PIK3CB: variants seen among roughly 807,000 people sequenced by gnomAD.
PIK3CB encodes phosphatidylinositol 4,5-bisphosphate 3-kinase catalytic subunit beta isoform.
A neutral mutation model predicts 136.8 loss-of-function variants in PIK3CB; 39 were observed. That is an observed-to-expected ratio of 0.29 (90% confidence interval 0.22 to 0.37). The LOEUF (loss-of-function observed/expected upper bound fraction) is 0.37. Ranked by LOEUF, PIK3CB falls within the 10% of genes least tolerant of loss-of-function variation. PIK3CB has a pLI of 1.00. For synonymous variants in PIK3CB, 428 were observed against 436.6 expected (o/e 0.98, Z 0.25); for missense variants, 868 against 1,275.4 (o/e 0.68, Z 4.87).
In PIK3CB at chr3:138,749,799, T is replaced by C. The variant is rs146777495; in HGVS notation, c.397+5955A>G. 3.2e-3 allele frequency among the ~76,000 whole-genome samples: 485 copies of C among 152,360 alleles called. 1 individual carries two copies. Among genetic ancestry groups the C allele is most frequent in the Non-Finnish European group, 4.8e-3 (327 of 68,040 alleles). ...ATTCACCTAATTGATTTAAGGTGAC[T>C]TTCCTTTTCAAAAGTTTTGTTTTTC... On this transcript the variant is annotated intron_variant, in intron 4 of 23. Coordinates refer to ENST00000674063, the MANE Select transcript of PIK3CB (RefSeq NM_006219.3).
chr3:138,681,007 T>G (rs1173526444), intron 19 of PIK3CB, among the ~76,000 whole-genome samples: 1 of 151,536 alleles, frequency 6.6e-6, no homozygotes, highest in Non-Finnish European at 1.5e-5. Flanking sequence ...TTATAATCTG[T>G]ACTTCTTAAT....
chr3:138,742,291 C>A (rs939761709), intron 5 of PIK3CB, among the ~76,000 whole-genome samples: 9 of 152,008 alleles, frequency 5.9e-5, no homozygotes, highest in Non-Finnish European at 1.3e-4. Context: ...TTTTAACATC[C>A]CTTTAAAACT....
At chr3:138,712,968 T>G (rs1007874886) in intron 9 of PIK3CB, among the ~76,000 whole-genome samples, 9 of 152,148 alleles carry the variant, frequency 5.9e-5, no homozygotes, top group Admixed American at 3.9e-4. Flanking sequence ...AAGGAGATAA[T>G]GTCTCTAGGC....
chr3:138,767,817 G>A (rs1027279347), intron 2 of PIK3CB, among the ~76,000 whole-genome samples: 9 of 152,188 alleles, frequency 5.9e-5, no homozygotes, highest in Admixed American at 2.0e-4. Context: ...CGGAAGCTTG[G>A]AGATGTCAGG....
At chr3:138,712,652 C>T (rs2044527470) in intron 9 of PIK3CB, among the ~76,000 whole-genome samples, 1 of 149,744 alleles carries the variant, frequency 6.7e-6, no homozygotes, top group African/African-American at 2.5e-5. Context: ...CTGCAACCTC[C>T]ACCTCCCAGG....
intron 15 of PIK3CB, among the ~76,000 whole-genome samples, chr3:138,690,739 A>C (rs982823991): frequency 1.5e-4 from 23 of 151,346 alleles, no homozygotes; most frequent in African/African-American, 5.1e-4. Context: ...AAAAAAAAAG[A>C]AAGGAAGGAA....
chr3:138,783,592 T>C (rs2045944025), intron 2 of PIK3CB, among the ~76,000 whole-genome samples: 1 of 152,086 alleles, frequency 6.6e-6, no homozygotes, highest in Non-Finnish European at 1.5e-5. Context: ...GAGGGTGATA[T>C]TTTAACAGAG....
chr3:138,687,421 A>G (rs1440849946), intron 16 of PIK3CB, among the ~76,000 whole-genome samples: 1 of 152,222 alleles, frequency 6.6e-6, no homozygotes, highest in African/African-American at 2.4e-5. Context: ...TCATAGTGCA[A>G]TGAAAAATTA....
chr3:138,652,878 G>A lies in PIK3CB; in HGVS notation c.*2511C>T, dbSNP rs1022059425. ...TGTACCCCATATATATATCTACTAT[G>A]TACTCACAAAAATTAAAAATTAAGA... On this transcript the variant is annotated 3_prime_UTR_variant, in exon 24 of 24. Transcript: ENST00000674063. The A allele has an allele frequency of 5.1e-5, 11 of 214,842 alleles. No individual in the cohort carries two copies. Among genetic ancestry groups the A allele is most frequent in the African/African-American group, 2.2e-4 (10 of 44,458 alleles). The allele number at this position is 214,842 out of a possible 1,614,324, so 13.3% of individuals were successfully genotyped here.
At chr3:138,683,562 A>G in intron 18 of PIK3CB, 116 bp downstream of exon 18, 1 of 650,184 alleles carries the variant, frequency 1.5e-6, no homozygotes, top group Non-Finnish European at 2.7e-6. Context: ...ATTAATAGCT[A>G]CCTTCCTGGC....
intron 1 of PIK3CB, chr3:138,826,086 C>T (rs1189520346): frequency 3.5e-5 from 38 of 1,073,194 alleles, no homozygotes; most frequent in Non-Finnish European, 5.1e-5. Context: ...GATTGATCAC[C>T]ATTCTAGTAA....
intron 2 of PIK3CB, among the ~76,000 whole-genome samples, chr3:138,780,015 T>A (rs1388601710): frequency 6.6e-6 from 1 of 152,090 alleles, no homozygotes. Context: ...TGGAGTGCAG[T>A]GGCGAGACCT....
intron 19 of PIK3CB, among the ~76,000 whole-genome samples, chr3:138,679,274 A>G (rs1014662169): frequency 1.3e-5 from 2 of 152,166 alleles, no homozygotes; most frequent in African/African-American, 4.8e-5. Flanking sequence ...AAAATTAGAA[A>G]TCATAAAGAG....
chr3:138,808,620 G>A (rs980097395), intron 1 of PIK3CB, among the ~76,000 whole-genome samples: 1 of 151,678 alleles, frequency 6.6e-6, no homozygotes, highest in African/African-American at 2.4e-5. Context: ...GGAGGCAGAG[G>A]TAACAGTAAG....
chr3:138,779,158 A>T (rs1221693705), intron 2 of PIK3CB, among the ~76,000 whole-genome samples: 2 of 148,132 alleles, frequency 1.4e-5, no homozygotes, highest in African/African-American at 2.5e-5. Context: ...TGATCTCGGC[A>T]TACTGCAAGC....
chr3:138,823,997 CT>C (rs1933672885), intron 1 of PIK3CB, among the ~76,000 whole-genome samples: 1 of 151,512 alleles, frequency 6.6e-6, no homozygotes, highest in African/African-American at 2.5e-5. Context: ...AAATCATCTG[CT>C]GGTTATCTAA....
intron 14 of PIK3CB, among the ~76,000 whole-genome samples, 196 bp from the exon 15 acceptor site, chr3:138,691,339 G>A (rs2044003797): frequency 6.6e-6 from 1 of 152,190 alleles, no homozygotes; most frequent in South Asian, 2.1e-4. Flanking sequence ...GGAAAAGGGA[G>A]TCAAGAGGGT....
intron 1 of PIK3CB, chr3:138,825,646 A>T (rs1281511937): frequency 1.9e-5 from 12 of 639,508 alleles, no homozygotes; most frequent in Non-Finnish European, 3.4e-5. Flanking sequence ...TCTGGACTGC[A>T]TCCTACCACT....
Position 138,654,578 on chromosome 3 carries a change from TA to T in PIK3CB, c.*810del, listed in dbSNP as rs1266857778. The T allele has an allele frequency of 4.4e-6, 1 of 227,386 alleles. No homozygotes were observed. Among genetic ancestry groups the T allele is most frequent in the Non-Finnish European group, 8.7e-6 (1 of 114,476 alleles). 14.1% of individuals were successfully genotyped at this position (227,386 alleles called of 1,614,324 possible). A position where few individuals can be genotyped will look rare whatever the true frequency, so the allele number is the denominator to read the frequency against. On this transcript the variant is annotated 3_prime_UTR_variant, in exon 24 of 24. Transcript: ENST00000674063. The stretch of plus-strand genomic sequence containing the variant: ...CATAGATACCATATAAAAACTGTAT[TA>T]ATATGTGCCTCATTATAGAAGCAGC...
Sources: gnomAD v4.1 joint callset for allele counts (sites outside exome capture counted in the v4.1 genomes callset) on GRCh38, gnomAD v4.1.1 for gene constraint, MANE v1.5 for transcripts, NCBI Gene and HGNC (gene_info 2026-07-23, HGNC 2026-07-21) for gene names.